ERBB4: variants seen among roughly 807,000 people sequenced by gnomAD.
The protein encoded by ERBB4 is erb-b2 receptor tyrosine kinase 4.
In ERBB4, 42 loss-of-function variants were observed where a neutral mutation model predicts 158.0. The observed-to-expected ratio is 0.27, with a 90% confidence interval of 0.21 to 0.34. The LOEUF (loss-of-function observed/expected upper bound fraction) is 0.34, where lower values mean the gene tolerates loss of function less well. ERBB4 is among the 10% of genes least tolerant of loss of function. The probability of loss-of-function intolerance (pLI) is 1.00; values close to 1 mark genes in which losing one functional copy is unlikely to be tolerated. For missense variants in ERBB4, 1,333 were observed against 1,624.1 expected (o/e 0.82, Z 3.08); for synonymous variants, 583 against 558.7 (o/e 1.04, Z -0.61).
rs755466240 is a variant in ERBB4 at position 211,424,137 on chromosome 2, A to G, written c.2866+18T>C. 9 of 1,609,344 alleles carry G rather than the reference A, an allele frequency of 5.6e-6. No individual in the cohort carries two copies. The highest frequency in any genetic ancestry group is 1.7e-5 in the Admixed American group (1 of 59,912). On this transcript the variant is annotated intron_variant, in intron 23 of 27. Transcript: ENST00000342788. ...TACTAAGAATGATGATGGTGATAAC[A>G]TTATTTTGCAGTCTTACATTTGACC...
At chr2:212,222,530 T>A (rs1040825979) in intron 1 of ERBB4, among the ~76,000 whole-genome samples, 9 of 151,516 alleles carry the variant, frequency 5.9e-5, no homozygotes, top group Non-Finnish European at 1.2e-4. Context: ...CTTAACCTAC[T>A]TAACTTTTTT....
intron 1 of ERBB4, among the ~76,000 whole-genome samples, chr2:212,243,090 A>T (rs1186235131): frequency 1.3e-5 from 2 of 152,160 alleles, no homozygotes; most frequent in East Asian, 3.8e-4. Flanking sequence ...TCAATCTGTT[A>T]TGCCATTTTC....
intron 1 of ERBB4, among the ~76,000 whole-genome samples, chr2:212,134,779 G>C (rs1015056052): frequency 6.8e-6 from 1 of 146,746 alleles, no homozygotes; most frequent in African/African-American, 2.5e-5. Context: ...TGCCTCCCGG[G>C]TTCATGCCAT....
chr2:211,776,790 A>G (rs1419909529), intron 4 of ERBB4, among the ~76,000 whole-genome samples: 3 of 152,108 alleles, frequency 2.0e-5, no homozygotes, highest in Admixed American at 6.6e-5. Context: ...GGGGTATGTT[A>G]TATTGGGGCA....
intron 2 of ERBB4, among the ~76,000 whole-genome samples, chr2:211,988,907 T>A (rs2082002186): frequency 6.6e-6 from 1 of 152,070 alleles, no homozygotes; most frequent in Admixed American, 6.5e-5. Context: ...ATAAAATTGT[T>A]CTGGCTTATT....
chr2:212,229,003 A>G (rs1056368804), intron 1 of ERBB4, among the ~76,000 whole-genome samples: 7 of 152,220 alleles, frequency 4.6e-5, no homozygotes, highest in African/African-American at 1.7e-4. Flanking sequence ...CAAAATGCCC[A>G]AGGAAGAAAG....
intron 1 of ERBB4, among the ~76,000 whole-genome samples, chr2:212,211,780 C>T (rs2082943755): frequency 6.6e-6 from 1 of 151,872 alleles, no homozygotes; most frequent in East Asian, 1.9e-4. Context: ...CTCTCTGTGT[C>T]TGTGTGTTCT....
intron 20 of ERBB4, among the ~76,000 whole-genome samples, chr2:211,477,358 T>C (rs2064980980): frequency 6.6e-6 from 1 of 152,138 alleles, no homozygotes; most frequent in Non-Finnish European, 1.5e-5. Context: ...ACACATTTAT[T>C]CTGTTGGTTT....
chr2:211,519,206 T>A (rs2066124205), intron 20 of ERBB4, among the ~76,000 whole-genome samples: 1 of 152,176 alleles, frequency 6.6e-6, no homozygotes, highest in Non-Finnish European at 1.5e-5. Flanking sequence ...TTAGAAAGTT[T>A]TAATACAGTG....
intron 1 of ERBB4, among the ~76,000 whole-genome samples, chr2:212,532,188 A>C (rs1296964873): frequency 6.6e-6 from 1 of 152,218 alleles, no homozygotes; most frequent in Non-Finnish European, 1.5e-5. Context: ...AGTTTATATT[A>C]TCTAATTTCC....
intron 3 of ERBB4, among the ~76,000 whole-genome samples, chr2:211,902,702 G>T (rs990781220): frequency 1.3e-5 from 2 of 151,302 alleles, no homozygotes; most frequent in African/African-American, 4.8e-5. Flanking sequence ...TTCCTTCTAT[G>T]TATATTTTTT....
chr2:211,515,905 T>TATATATATATATATATATAC (rs1559248803), intron 20 of ERBB4, among the ~76,000 whole-genome samples: 1 of 91,100 alleles, frequency 1.1e-5, no homozygotes, highest in Admixed American at 1.1e-4. Context: ...ATTATATATA[T>TATATATATATATATATATAC]ATATATATTT....
chr2:211,429,231 CTT>C (rs1425636246), intron 21 of ERBB4, among the ~76,000 whole-genome samples: 1 of 151,890 alleles, frequency 6.6e-6, no homozygotes, highest in Non-Finnish European at 1.5e-5. Context: ...TCAGTTATCC[CTT>C]TTCACCCTCA....
chr2:211,905,299 T>C (rs560959852), intron 3 of ERBB4, among the ~76,000 whole-genome samples: 87 of 152,116 alleles, frequency 5.7e-4, no homozygotes, highest in Admixed American at 1.1e-3. Flanking sequence ...CATGACTCTG[T>C]TCTCCCCTTC....
intron 1 of ERBB4, among the ~76,000 whole-genome samples, chr2:212,379,058 C>A (rs566152455): frequency 1.3e-5 from 2 of 151,706 alleles, no homozygotes; most frequent in South Asian, 4.2e-4. Context: ...CACTTAGTTT[C>A]ATGAGTAAAA....
chr2:212,108,401 C>T (rs1428303939), intron 2 of ERBB4, among the ~76,000 whole-genome samples: 1 of 152,172 alleles, frequency 6.6e-6, no homozygotes, highest in Non-Finnish European at 1.5e-5. Flanking sequence ...AGACAAACCA[C>T]CTTAGCATCT....
chr2:211,605,967 AG>A (rs1244873736), intron 19 of ERBB4, among the ~76,000 whole-genome samples: 2 of 152,036 alleles, frequency 1.3e-5, no homozygotes, highest in Non-Finnish European at 2.9e-5. Context: ...TCTCCTAATT[AG>A]TACTTATAAA....
intron 25 of ERBB4, among the ~76,000 whole-genome samples, chr2:211,389,767 C>T (rs952745900): frequency 2.0e-5 from 3 of 152,110 alleles, no homozygotes; most frequent in Admixed American, 6.6e-5. Context: ...CATTTTCATT[C>T]TTGGCCTCCC....
At chr2:212,413,428 A>G (rs2106494217) in intron 1 of ERBB4, among the ~76,000 whole-genome samples, 1 of 152,164 alleles carries the variant, frequency 6.6e-6, no homozygotes, top group Admixed American at 6.5e-5. Flanking sequence ...ATAACACAGA[A>G]TGTTAAAATT....
Sources: gnomAD v4.1 joint callset for allele counts (sites outside exome capture counted in the v4.1 genomes callset) on GRCh38, gnomAD v4.1.1 for gene constraint, MANE v1.5 for transcripts, NCBI Gene and HGNC (gene_info 2026-07-23, HGNC 2026-07-21) for gene names.